Variants in CSNK1G1 observed in about 807,000 individuals in gnomAD.
CSNK1G1 encodes the protein casein kinase I isoform gamma-1.
A neutral mutation model predicts 59.6 loss-of-function variants in CSNK1G1; 22 were observed. The ratio of observed to expected loss-of-function variants is 0.37; its 90% CI spans 0.26 to 0.53. CSNK1G1 has a LOEUF of 0.53. CSNK1G1 is among the 20% of genes least tolerant of loss of function. CSNK1G1 has a pLI of 0.89. For synonymous variants in CSNK1G1, 179 were observed against 177.1 expected (o/e 1.01, Z -0.08); for missense variants, 384 against 519.5 (o/e 0.74, Z 2.54).
intron 2 of CSNK1G1, among the ~76,000 whole-genome samples, chr15:64,296,106 T>C (rs1346570941): frequency 6.6e-6 from 1 of 152,132 alleles, no homozygotes; most frequent in Non-Finnish European, 1.5e-5. Context: ...TCTGCCAATG[T>C]AGTTTCCATA....
rs1401869058 is a variant in CSNK1G1 at position 64,188,953 on chromosome 15, C to T, written c.1108-8499G>A. On this transcript the variant is annotated intron_variant, in intron 10 of 11. Coordinates refer to ENST00000303052, the MANE Select transcript of CSNK1G1 (RefSeq NM_022048.5). The surrounding 1 kb of genome is among the most constrained non-coding windows in gnomAD (Gnocchi z 4.2). ...CCAGCCTGACCAACATGGTGAAAGC[C>T]TGTCTCTACTAAAATTACAAAAATG... 1.3e-5 allele frequency among the ~76,000 whole-genome samples: 2 copies of T among 152,168 alleles called. No individual in the cohort carries two copies. The highest frequency in any genetic ancestry group is 2.1e-4 in the South Asian group (1 of 4,832).
intron 3 of CSNK1G1, 91 bp downstream of exon 3, chr15:64,259,110 T>C (rs906756489): frequency 9.2e-7 from 1 of 1,088,840 alleles, no homozygotes; most frequent in African/African-American, 1.6e-5. Flanking sequence ...ATTAGCAGTT[T>C]TGCGAATGAA....
chr15:64,332,733 C>CA (rs1472697285), intron 1 of CSNK1G1, among the ~76,000 whole-genome samples: 2 of 137,620 alleles, frequency 1.5e-5, no homozygotes, highest in African/African-American at 2.8e-5. Context: ...TAAAAAAAAA[C>CA]AAAAACAAAA....
At chr15:64,302,444 T>C (rs1451639070) in intron 1 of CSNK1G1, among the ~76,000 whole-genome samples, 3 of 152,158 alleles carry the variant, frequency 2.0e-5, no homozygotes, top group African/African-American at 7.2e-5. Context: ...TTTTCATTTT[T>C]GTTTTCTTTG....
rs61152678 is a variant in CSNK1G1, at chr15:64,338,728, A to AC, written c.-225+17259dup. On this transcript the variant is annotated intron_variant, in intron 1 of 11. Coordinates refer to ENST00000303052, the MANE Select transcript of CSNK1G1 (RefSeq NM_022048.5). ...AAAAAAAAAAAAAAAAAAAAAAAAA[A>AC]CACTTCTGGCCGGGCGCGATAGCTT... Among the ~76,000 whole-genome samples, 93 of 143,426 alleles carry AC rather than the reference A, an allele frequency of 6.5e-4. 2 individuals carry two copies. In the East Asian group the frequency reaches 0.011, roughly 17 times the overall value. 94.1% of individuals were successfully genotyped at this position (143,426 alleles called of 152,430 possible).
At chr15:64,355,412 AG>A (rs1449810506) in intron 1 of CSNK1G1, among the ~76,000 whole-genome samples, 4 of 152,190 alleles carry the variant, frequency 2.6e-5, no homozygotes, top group Non-Finnish European at 1.5e-5. Context: ...TTGCTCCTGT[AG>A]GACGTGGGGG....
intron 4 of CSNK1G1, among the ~76,000 whole-genome samples, chr15:64,222,178 A>G (rs1259877428): frequency 6.6e-6 from 1 of 151,960 alleles, no homozygotes; most frequent in Non-Finnish European, 1.5e-5. Context: ...ACACAGGAAC[A>G]GAAAACCAAA....
At chr15:64,309,207 G>C (rs191968424) in intron 1 of CSNK1G1, among the ~76,000 whole-genome samples, 1 of 152,070 alleles carries the variant, frequency 6.6e-6, no homozygotes, top group East Asian at 1.9e-4. Context: ...GTAATTGCTT[G>C]TCTACTCACG....
intron 7 of CSNK1G1, among the ~76,000 whole-genome samples, chr15:64,206,269 G>A (rs914323985): frequency 5.9e-5 from 9 of 152,010 alleles, no homozygotes; most frequent in African/African-American, 1.9e-4. Context: ...GTGAAACCCC[G>A]TCTCTACTAA....
chr15:64,319,359 A>G (rs534611509), intron 1 of CSNK1G1, among the ~76,000 whole-genome samples: 2 of 152,260 alleles, frequency 1.3e-5, no homozygotes, highest in East Asian at 3.9e-4. Flanking sequence ...TACTATTATT[A>G]AAACGCATCT....
At chr15:64,263,875 T>A (rs1159160151) in intron 2 of CSNK1G1, among the ~76,000 whole-genome samples, 1 of 151,022 alleles carries the variant, frequency 6.6e-6, no homozygotes, top group Non-Finnish European at 1.5e-5. Flanking sequence ...CTTTCTAGTC[T>A]TAAGACTAAG....
intron 2 of CSNK1G1, among the ~76,000 whole-genome samples, chr15:64,294,523 G>C (rs1894909430): frequency 6.6e-6 from 1 of 152,078 alleles, no homozygotes; most frequent in East Asian, 1.9e-4. Context: ...AGCAATAAGT[G>C]TATTTTCTTT....
chr15:64,201,719 T>TGC (rs1174779439), intron 10 of CSNK1G1, among the ~76,000 whole-genome samples: 1 of 146,352 alleles, frequency 6.8e-6, no homozygotes, highest in Non-Finnish European at 1.5e-5. Context: ...TGTGTGTGTG[T>TGC]GTGTGTGTGT....
At chr15:64,173,802 CG>C (rs1269602438) in intron 11 of CSNK1G1, among the ~76,000 whole-genome samples, 1 of 151,650 alleles carries the variant, frequency 6.6e-6, no homozygotes, top group African/African-American at 2.4e-5. Context: ...TTAGTAGAGA[CG>C]GGGTTTCACC....
At chr15:64,212,611 G>T (rs2082262294) in intron 6 of CSNK1G1, among the ~76,000 whole-genome samples, 1 of 152,182 alleles carries the variant, frequency 6.6e-6, no homozygotes, top group African/African-American at 2.4e-5. Context: ...AGCTACTGAG[G>T]CTGAGAAAGA....
chr15:64,189,508 AG>A (rs754897231), intron 10 of CSNK1G1: 2 of 1,204,408 alleles, frequency 1.7e-6, no homozygotes, highest in Non-Finnish European at 2.1e-6. Context: ...GAGTAGTTGG[AG>A]AGGCAGCAAT....
chr15:64,352,804 C>T (rs1361879021), intron 1 of CSNK1G1, among the ~76,000 whole-genome samples: 2 of 151,738 alleles, frequency 1.3e-5, no homozygotes, highest in African/African-American at 4.8e-5. Context: ...GAAAATTTCT[C>T]AGGGCTGGGT....
chr15:64,228,413 C>A (rs1245178260), intron 4 of CSNK1G1, among the ~76,000 whole-genome samples: 5 of 152,042 alleles, frequency 3.3e-5, no homozygotes, highest in Non-Finnish European at 7.4e-5. Context: ...TGTGAGAGGC[C>A]GAGGCAGGTG....
chr15:64,273,256 T>C (rs536564402), intron 2 of CSNK1G1, among the ~76,000 whole-genome samples: 1 of 152,298 alleles, frequency 6.6e-6, no homozygotes, highest in South Asian at 2.1e-4. Context: ...AACATCACAC[T>C]CTACCCCATA....
Sources: allele counts gnomAD v4.1 joint callset (sites outside exome capture counted in the v4.1 genomes callset), GRCh38; gene constraint gnomAD v4.1.1; non-coding constraint Gnocchi (gnomAD v3.1); transcripts MANE v1.5; gene names NCBI Gene and HGNC (gene_info 2026-07-23, HGNC 2026-07-21).